The following LRRC43 variants were observed in gnomAD, a reference collection of about 807,000 sequenced individuals.
LRRC43 encodes the protein leucine-rich repeat-containing protein 43.
In LRRC43, 62 loss-of-function variants were observed where a neutral mutation model predicts 64.3. The ratio of observed to expected loss-of-function variants is 0.96; its 90% CI spans 0.79 to 1.19. The LOEUF (loss-of-function observed/expected upper bound fraction) is 1.19, where lower values mean the gene tolerates loss of function less well. Among genes scored for constraint, LRRC43 ranks in the 50% most tolerant of loss-of-function variants. LRRC43 has a pLI of 0.00. For synonymous variants in LRRC43, 422 were observed against 382.3 expected, an observed-to-expected ratio of 1.10 and a Z score of -1.21; for missense variants, 868 against 845.0, an observed-to-expected ratio of 1.03 and a Z score of -0.34.
intron 1 of LRRC43, among the ~76,000 whole-genome samples, chr12:122,176,838 A>G (rs899956573): frequency 6.6e-6 from 1 of 151,972 alleles, no homozygotes; most frequent in African/African-American, 2.4e-5. Context: ...TATTTTTAGT[A>G]GAGATGGAGT....
chr12:122,187,912 G>A, intron 4 of LRRC43, 72 bp downstream of exon 4: 1 of 1,512,166 alleles, frequency 6.6e-7, no homozygotes, highest in African/African-American at 1.4e-5. Flanking sequence ...CTACCCCAGT[G>A]GCTTGAGAAC....
chr12:122,173,144 C>T (rs573749212), intron 1 of LRRC43, among the ~76,000 whole-genome samples: 5 of 152,180 alleles, frequency 3.3e-5, no homozygotes, highest in East Asian at 3.9e-4. Flanking sequence ...GAGATGCAGG[C>T]GAGAGTTTTC....
Position 122,200,494 on chromosome 12 carries a change from G to C in LRRC43, c.1492-38G>C. The C allele has an allele frequency of 6.2e-7, 1 of 1,613,874 alleles. No homozygotes were observed. The highest frequency in any genetic ancestry group is 8.5e-7 in the Non-Finnish European group (1 of 1,179,928). ...AGAGGTGACCCCAGGCAGCCCGCCT[G>C]GGCCTCTGCTCACTCGAGGATTCTC... On this transcript the variant is annotated intron_variant, in intron 8 of 11. Transcript: ENST00000339777. The surrounding 1 kb of genome is among the most constrained non-coding windows in gnomAD (Gnocchi z 4.6).
chr12:122,172,465 T>C (rs763634460), intron 1 of LRRC43: 4 of 1,614,064 alleles, frequency 2.5e-6, no homozygotes, highest in Non-Finnish European at 3.4e-6. Flanking sequence ...GCGAGGTCCA[T>C]GCACTCTGAA....
upstream of LRRC43, among the ~76,000 whole-genome samples, chr12:122,180,458 G>A (rs536966326): frequency 4.1e-4 from 62 of 152,300 alleles, no homozygotes; most frequent in African/African-American, 1.5e-3. Context: ...GGCGGAGGTT[G>A]CAGTGAGCCA....
At chr12:122,170,480 A>G (rs1457040635) in intron 1 of LRRC43, among the ~76,000 whole-genome samples, 1 of 152,004 alleles carries the variant, frequency 6.6e-6, no homozygotes, top group Admixed American at 6.6e-5. Flanking sequence ...AAATACAAAA[A>G]ATTAGCCGGG....
chr12:122,168,838 G>T (rs1021505039), intron 1 of LRRC43, among the ~76,000 whole-genome samples: 7 of 152,144 alleles, frequency 4.6e-5, no homozygotes, highest in Non-Finnish European at 1.0e-4. Context: ...CTTAGTGCTT[G>T]TATCTCCTTA....
chr12:122,182,658 A>G (rs946641660), upstream of LRRC43, among the ~76,000 whole-genome samples: 1 of 151,882 alleles, frequency 6.6e-6, no homozygotes, highest in Non-Finnish European at 1.5e-5. Flanking sequence ...TCGCCACTGG[A>G]CTCCAGCCTG....
Position 122,190,160 on chromosome 12 carries a change from CAA to C in LRRC43, c.694_695del (p.Asn232ArgfsTer57). On this transcript the variant is annotated frameshift_variant, in exon 5 of 12. Coordinates refer to ENST00000339777, the MANE Select transcript of LRRC43 (RefSeq NM_001098519.2). LOFTEE classifies it high-confidence loss of function. ...ACCTCGTCTCCCTGGACCTGGGCTT[CAA>C]CGACCTGACAGACCTGCAGAGCATG... is the stretch of plus-strand genomic sequence containing the variant. ...PNLVSLDLGF[N>X]DLTDLQSMVT... 1.2e-6 allele frequency: 2 copies of C among 1,614,166 alleles called. No individual in the cohort carries two copies. The highest frequency in any genetic ancestry group is 1.7e-6 in the Non-Finnish European group (2 of 1,180,044).
rs1593144551 is a variant in LRRC43, at chr12:122,184,458, GT to G, written c.151-58del. 5.1e-6 allele frequency: 8 copies of G among 1,572,588 alleles called. No homozygotes were observed. In the East Asian group the frequency reaches 1.6e-4, roughly 31 times the overall value. On this transcript the variant is annotated intron_variant, in intron 1 of 11. Transcript: ENST00000339777. This position sits in a 1 kb window ranked among gnomAD's most constrained non-coding sequence, Gnocchi z 4.0. ...TTTTATGATCTGTTCTGTTTTGAGA[GT>G]TTGGTGTCCTTAAGGGGGCTGTGTC... is the stretch of plus-strand genomic sequence containing the variant.
intron 4 of LRRC43, among the ~76,000 whole-genome samples, chr12:122,188,953 CA>C (rs989317831): frequency 7.2e-5 from 11 of 152,084 alleles, no homozygotes; most frequent in South Asian, 4.2e-4. Context: ...CCCTGAGCAG[CA>C]AAATCCCCCC....
intron 4 of LRRC43, among the ~76,000 whole-genome samples, chr12:122,188,089 T>G (rs1420586319): frequency 6.6e-6 from 1 of 152,200 alleles, no homozygotes; most frequent in East Asian, 1.9e-4. Context: ...CGTATTTTAA[T>G]TTTTTAATTT....
Position 122,191,492 on chromosome 12 carries a change from C to T in LRRC43, c.1014C>T (p.Tyr338=). The T allele has an allele frequency of 6.2e-7, 1 of 1,614,126 alleles. No homozygotes were observed. The highest frequency in any genetic ancestry group is 8.5e-7 in the Non-Finnish European group (1 of 1,180,016). The change falls in exon 6 of 12, where the codon TAC becomes TAT. Residue 338 remains tyrosine (Y), a synonymous_variant. Coordinates refer to ENST00000339777, the MANE Select transcript of LRRC43 (RefSeq NM_001098519.2). ...GGCCCGAAGGCCCTTTCATCACTTA[C>T]AACTATTACGTGACCTATGATTTTG... ...EPRPEGPFIT[Y]NYYVTYDFVK... is the part of the protein sequence containing the mutation.
chr12:122,172,993 C>A (rs930641747), intron 1 of LRRC43, among the ~76,000 whole-genome samples: 1 of 152,174 alleles, frequency 6.6e-6, no homozygotes, highest in Admixed American at 6.6e-5. Flanking sequence ...CTTCCAGAAC[C>A]CACTCTCACG....
Position 122,184,184 on chromosome 12 carries a change from T to C in LRRC43, c.151-335T>C, listed in dbSNP as rs776877022. 2.0e-5 allele frequency among the ~76,000 whole-genome samples: 3 copies of C among 149,482 alleles called. No homozygotes were observed. Among genetic ancestry groups the C allele is most frequent in the Non-Finnish European group, 3.0e-5 (2 of 67,622 alleles). ...ATCTCGGCTCACTGCAACCTCCGCC[T>C]CCCGGGTTCAAACGATTCTCCTGCC... is the stretch of plus-strand genomic sequence containing the variant. On this transcript the variant is annotated intron_variant, in intron 1 of 11. Coordinates refer to ENST00000339777, the MANE Select transcript of LRRC43 (RefSeq NM_001098519.2). This position sits in a 1 kb window ranked among gnomAD's most constrained non-coding sequence, Gnocchi z 4.0.
At chr12:122,193,476 G>A (rs1953744519) in intron 7 of LRRC43, among the ~76,000 whole-genome samples, 2 of 150,718 alleles carry the variant, frequency 1.3e-5, no homozygotes, top group South Asian at 2.1e-4. Flanking sequence ...TCTCTGGAGG[G>A]TTCAACTTAG....
Position 122,192,811 on chromosome 12 carries a change from G to A in LRRC43, c.1156G>A (p.Val386Ile), listed in dbSNP as rs751519017. The change falls in exon 7 of 12, where the codon GTC becomes ATC. Residue 386 changes from valine to isoleucine, a missense_variant. Val to Ile is a conservative substitution (Grantham distance 29). Coordinates refer to ENST00000339777, the MANE Select transcript of LRRC43 (RefSeq NM_001098519.2). ...ATCTCCTGAAGAGGTCGTGGAAGAC[G>A]TCATCGAAGACATTGTTGAAGAGGT... Reference protein sequence around the residue: ...EESPEEVVEDVIEDIVEEVTE... With the variant: ...EESPEEVVEDIIEDIVEEVTE... 18 of 1,613,112 alleles carry A rather than the reference G, an allele frequency of 1.1e-5. No individual in the cohort carries two copies. The highest frequency in any genetic ancestry group is 1.4e-5 in the Non-Finnish European group (16 of 1,180,002).
At position 122,187,733 on chromosome 12, in the gene LRRC43, C is replaced by T. The variant is rs748007760; in HGVS notation, c.555C>T (p.Ser185=). The change falls in exon 4 of 12, where the codon AGC becomes AGT. Residue 185 remains serine, a synonymous_variant. Coordinates refer to ENST00000339777, the MANE Select transcript of LRRC43 (RefSeq NM_001098519.2). Reference sequence around the variant, plus strand: ...AGCTCTACGGCAATGAGATCAGCAGCATGGAGTGTCTGTGTGCCCACCCAC... The same window carrying T: ...AGCTCTACGGCAATGAGATCAGCAGTATGGAGTGTCTGTGTGCCCACCCAC... ...VLELYGNEIS[S]MECLCAHPPA... 4 of 1,613,938 alleles carry T rather than the reference C, an allele frequency of 2.5e-6. No homozygotes were observed. The highest frequency in any genetic ancestry group is 1.7e-5 in the Admixed American group (1 of 60,002).
At chr12:122,172,757 A>T (rs1307404866) in intron 1 of LRRC43, 1 of 1,585,514 alleles carries the variant, frequency 6.3e-7, no homozygotes, top group East Asian at 2.3e-5. Flanking sequence ...GAATGAGGAG[A>T]AATGGTCAGT....
Sources: gnomAD v4.1 joint callset for allele counts (sites outside exome capture counted in the v4.1 genomes callset) on GRCh38, gnomAD v4.1.1 for gene constraint, Gnocchi (gnomAD v3.1) non-coding constraint, MANE v1.5 for transcripts, NCBI Gene and HGNC (gene_info 2026-07-23, HGNC 2026-07-21) for gene names.